The following FHIP1A variants were observed in gnomAD, a reference collection of about 807,000 sequenced individuals.
FHIP1A encodes FHF complex subunit HOOK interacting protein 1A.
FHIP1A carries 61 observed loss-of-function variants against 88.6 expected under a neutral mutation model. The ratio of observed to expected loss-of-function variants is 0.69; its 90% CI spans 0.56 to 0.85. FHIP1A has a LOEUF of 0.85. Among genes scored for constraint, FHIP1A ranks in the 40% least tolerant of loss-of-function variants. The pLI is 0.00. For missense variants in FHIP1A, 1,154 were observed against 1,273.5 expected, an observed-to-expected ratio of 0.91 and a Z score of 1.43; for synonymous variants, 478 against 496.0, an observed-to-expected ratio of 0.96 and a Z score of 0.48.
Position 151,656,425 on chromosome 4 carries a change from C to G in FHIP1A, c.2730+15C>G. 4.5e-6 allele frequency: 7 copies of G among 1,550,240 alleles called. No individual in the cohort carries two copies. Among genetic ancestry groups the G allele is most frequent in the Non-Finnish European group, 6.1e-6 (7 of 1,145,880 alleles). On this transcript the variant is annotated intron_variant, in intron 12 of 13. Transcript: ENST00000435205. This position sits in a 1 kb window ranked among gnomAD's most constrained non-coding sequence, Gnocchi z 4.2. ...CTCTCTATCAGGTATGTTAGCTGAA[C>G]CCACATCCACACCTGTTGATTTTGT...
intron 2 of FHIP1A, among the ~76,000 whole-genome samples, chr4:151,476,857 G>C (rs1246013882): frequency 6.8e-6 from 1 of 147,960 alleles, no homozygotes; most frequent in Admixed American, 6.8e-5. Flanking sequence ...ACAATAACCA[G>C]TTAGAAGATA....
intron 3 of FHIP1A, among the ~76,000 whole-genome samples, chr4:151,527,755 C>T (rs928083447): frequency 6.6e-6 from 1 of 152,096 alleles, no homozygotes; most frequent in African/African-American, 2.4e-5. Context: ...AACCATAGTT[C>T]TTTTGATTGT....
intron 11 of FHIP1A, among the ~76,000 whole-genome samples, chr4:151,654,693 A>G (rs958994444): frequency 6.6e-6 from 1 of 152,116 alleles, no homozygotes; most frequent in Admixed American, 6.5e-5. Flanking sequence ...GGGGTTCTTT[A>G]TGGGAAAACC....
chr4:151,607,500 G>T (rs1158427721), intron 7 of FHIP1A, among the ~76,000 whole-genome samples: 1 of 152,128 alleles, frequency 6.6e-6, no homozygotes, highest in East Asian at 1.9e-4. Context: ...TTTGACTTGG[G>T]AATTCTTGAT....
chr4:151,493,610 A>AAAAG (rs1489814183), intron 3 of FHIP1A, among the ~76,000 whole-genome samples: 5 of 152,212 alleles, frequency 3.3e-5, no homozygotes. Context: ...CAGCATATCA[A>AAAAG]AAAGATAACG....
At chr4:151,543,572 A>C (rs1195817974) in intron 3 of FHIP1A, among the ~76,000 whole-genome samples, 3 of 152,208 alleles carry the variant, frequency 2.0e-5, no homozygotes, top group Admixed American at 6.5e-5. Flanking sequence ...TGTGTTCCTG[A>C]ACTTATTTGT....
intron 3 of FHIP1A, among the ~76,000 whole-genome samples, chr4:151,518,714 C>T (rs1027539746): frequency 1.2e-4 from 16 of 136,156 alleles, no homozygotes; most frequent in East Asian, 2.5e-4. Flanking sequence ...CGTTTGAATG[C>T]GGTGGTGCAA....
intron 11 of FHIP1A, among the ~76,000 whole-genome samples, chr4:151,650,913 G>A (rs373981038): frequency 1.3e-5 from 2 of 152,158 alleles, no homozygotes; most frequent in Admixed American, 6.5e-5. Flanking sequence ...TTATTCTAGC[G>A]TAACTAACTT....
At chr4:151,423,956 C>A (rs1449132100) in intron 1 of FHIP1A, among the ~76,000 whole-genome samples, 1 of 152,156 alleles carries the variant, frequency 6.6e-6, no homozygotes, top group East Asian at 1.9e-4. Flanking sequence ...TAAATCTAAA[C>A]CATATAGAAG....
chr4:151,492,955 C>T (rs1251491180), intron 3 of FHIP1A, among the ~76,000 whole-genome samples: 1 of 151,936 alleles, frequency 6.6e-6, no homozygotes, highest in Non-Finnish European at 1.5e-5. Context: ...AAACCAAAAC[C>T]CAGCAGAAGG....
At chr4:151,431,072 A>G (rs1733573171) in intron 1 of FHIP1A, among the ~76,000 whole-genome samples, 1 of 152,212 alleles carries the variant, frequency 6.6e-6, no homozygotes, top group Non-Finnish European at 1.5e-5. Context: ...TGAGAGAACC[A>G]TCTTTTGAAT....
intron 7 of FHIP1A, among the ~76,000 whole-genome samples, chr4:151,627,815 TTCTGGCAAATATAAA>T (rs1462793386): frequency 6.6e-6 from 1 of 152,196 alleles, no homozygotes; most frequent in Non-Finnish European, 1.5e-5. Flanking sequence ...TTAAACTAAA[TTCTGGCAAATATAAA>T]TCACTAGATC....
chr4:151,534,115 A>G (rs1249057103), intron 3 of FHIP1A, among the ~76,000 whole-genome samples: 2 of 152,360 alleles, frequency 1.3e-5, no homozygotes, highest in Admixed American at 6.5e-5. Flanking sequence ...CAGTCTGTCC[A>G]TAGAAAACCT....
intron 3 of FHIP1A, among the ~76,000 whole-genome samples, chr4:151,512,997 T>C (rs932983065): frequency 9.9e-5 from 15 of 152,162 alleles, no homozygotes; most frequent in African/African-American, 3.6e-4. Context: ...AGACACATAA[T>C]TGTCAGATTC....
At chr4:151,598,021 G>C (rs1437103121) in intron 7 of FHIP1A, among the ~76,000 whole-genome samples, 3 of 152,080 alleles carry the variant, frequency 2.0e-5, no homozygotes, top group Admixed American at 1.3e-4. Flanking sequence ...CTTCAGCCCT[G>C]CTTTTAGGGG....
chr4:151,550,145 A>G (rs544829019), intron 3 of FHIP1A, among the ~76,000 whole-genome samples: 41 of 152,188 alleles, frequency 2.7e-4, no homozygotes, highest in African/African-American at 9.6e-4. Context: ...TACGGGGTAC[A>G]TGAGCTGTTT....
chr4:151,461,961 G>A (rs749316315), intron 2 of FHIP1A, among the ~76,000 whole-genome samples: 10 of 152,090 alleles, frequency 6.6e-5, no homozygotes, highest in Non-Finnish European at 1.3e-4. Context: ...CCAGAAGTTC[G>A]AGACCAGTCT....
At position 151,656,459 on chromosome 4, in the gene FHIP1A, A is replaced by G; in HGVS notation, c.2730+49A>G. 1.3e-6 allele frequency: 2 copies of G among 1,499,734 alleles called. No individual in the cohort carries two copies. Among genetic ancestry groups the G allele is most frequent in the South Asian group, 2.5e-5 (2 of 81,376 alleles). The allele number at this position is 1,499,734 out of a possible 1,614,324, so 92.9% of individuals were successfully genotyped here. ...ACACCTGTTGATTTTGTGGGTGCTA[A>G]TTTGCAGGGCATCTATTTCTCTTTA... On this transcript the variant is annotated intron_variant, in intron 12 of 13. Coordinates refer to ENST00000435205, the MANE Select transcript of FHIP1A (RefSeq NM_001109977.3). The surrounding 1 kb of genome is among the most constrained non-coding windows in gnomAD (Gnocchi z 4.2).
In FHIP1A at chr4:151,668,919, A is replaced by G. The variant is rs1737760439; in HGVS notation, c.*6165A>G. 1.3e-5 allele frequency among the ~76,000 whole-genome samples: 2 copies of G among 152,038 alleles called. No individual in the cohort carries two copies. The highest frequency in any genetic ancestry group is 1.5e-5 in the Non-Finnish European group (1 of 68,014). Reference sequence around the variant, plus strand: ...TCTAACTTCTAGTCAGAGCCTCAGCATTATACACCCAGCCTACAGGTGTGT... The same window carrying G: ...TCTAACTTCTAGTCAGAGCCTCAGCGTTATACACCCAGCCTACAGGTGTGT... On this transcript the variant is annotated 3_prime_UTR_variant, in exon 14 of 14. Coordinates refer to ENST00000435205, the MANE Select transcript of FHIP1A (RefSeq NM_001109977.3).
Sources: gnomAD v4.1 joint callset for allele counts (sites outside exome capture counted in the v4.1 genomes callset) on GRCh38, gnomAD v4.1.1 for gene constraint, Gnocchi (gnomAD v3.1) non-coding constraint, MANE v1.5 for transcripts, NCBI Gene and HGNC (gene_info 2026-07-23, HGNC 2026-07-21) for gene names.